GUCA1C: variants seen among roughly 807,000 people sequenced by gnomAD.
The protein encoded by GUCA1C is guanylate cyclase activator 1C, also known as guanylyl cyclase-activating protein 3.
Under a neutral mutation model 16.2 loss-of-function variants are expected in GUCA1C, and 15 were observed. The observed-to-expected ratio is 0.93, with a 90% CI of 0.62 to 1.43. The LOEUF (loss-of-function observed/expected upper bound fraction) is 1.43, where lower values mean the gene tolerates loss of function less well. Ranked by LOEUF, GUCA1C falls within the 40% of genes most tolerant of loss-of-function variation. GUCA1C has a pLI of 0.00. For synonymous variants in GUCA1C, 78 were observed against 85.4 expected (o/e 0.91, Z 0.48); for missense variants, 275 against 244.8 (o/e 1.12, Z -0.82).
At chr3:108,954,406 T>C (rs1312568315), upstream of GUCA1C, among the ~76,000 whole-genome samples, 1 of 152,160 alleles carries the variant, frequency 6.6e-6, no homozygotes, top group African/African-American at 2.4e-5. Context: ...TAAAGGAACA[T>C]ATTGGGCTGT....
At position 108,908,259 on chromosome 3, in the gene GUCA1C, G is replaced by A. The variant is rs773911418; in HGVS notation, c.443-50C>T. The A allele has an allele frequency of 1.6e-5, 19 of 1,155,358 alleles. No homozygotes were observed. The African/African-American group carries it at 2.8e-4, about 17-fold the overall frequency. The allele number at this position is 1,155,358 out of a possible 1,614,324, so 71.6% of individuals were successfully genotyped here. On this transcript the variant is annotated intron_variant, in intron 3 of 3. Transcript: ENST00000261047. ...AGAGGCTTTGTCTATACCACTCACTGGCACAAATGATATACTCACTGGTAT... is the reference window on the plus strand; with the variant it reads ...AGAGGCTTTGTCTATACCACTCACTAGCACAAATGATATACTCACTGGTAT...
intron 1 of GUCA1C, among the ~76,000 whole-genome samples, chr3:108,923,232 A>G (rs1194135065): frequency 1.3e-5 from 2 of 152,126 alleles, no homozygotes; most frequent in East Asian, 3.9e-4. Context: ...TTGATCATGA[A>G]GTCTTTGCCT....
At chr3:108,925,803 C>G (rs908888207) in intron 1 of GUCA1C, among the ~76,000 whole-genome samples, 2 of 152,094 alleles carry the variant, frequency 1.3e-5, no homozygotes, top group African/African-American at 4.8e-5. Flanking sequence ...TTGGGAGCTC[C>G]AGGCTGGGCA....
At chr3:108,940,460 G>C (rs1360577807) in intron 1 of GUCA1C, among the ~76,000 whole-genome samples, 2 of 152,208 alleles carry the variant, frequency 1.3e-5, no homozygotes, top group African/African-American at 4.8e-5. Flanking sequence ...TTCAAGTAGA[G>C]CTGGGGCTCC....
At chr3:108,931,405 GTT>G (rs932319356) in intron 1 of GUCA1C, among the ~76,000 whole-genome samples, 4 of 152,222 alleles carry the variant, frequency 2.6e-5, no homozygotes, top group African/African-American at 9.6e-5. Context: ...TCACTGTATG[GTT>G]TTTAAATGAA....
intron 1 of GUCA1C, among the ~76,000 whole-genome samples, chr3:108,935,842 T>C (rs1026630289): frequency 4.6e-5 from 7 of 152,200 alleles, no homozygotes; most frequent in African/African-American, 1.7e-4. Flanking sequence ...CGAGAGCTTG[T>C]AGTGCTTCTG....
At position 108,948,521 on chromosome 3, in the gene GUCA1C, C is replaced by T. The variant is rs150965848; in HGVS notation, c.204+5038G>A. ...TAATAAACCCTCATTTTTGATGGAG[C>T]ACCTACTCCAGAGCTTCCTAAAAAA... On this transcript the variant is annotated intron_variant, in intron 1 of 3. Transcript: ENST00000261047. 3.2e-3 allele frequency among the ~76,000 whole-genome samples: 488 copies of T among 152,208 alleles called. 3 individuals carry two copies. Among genetic ancestry groups the T allele is most frequent in the Admixed American group, 5.6e-3 (85 of 15,278 alleles).
chr3:108,943,301 G>C (rs773695071), intron 1 of GUCA1C, among the ~76,000 whole-genome samples: 3 of 152,124 alleles, frequency 2.0e-5, no homozygotes, highest in Non-Finnish European at 4.4e-5. Context: ...ACCACGTTTG[G>C]CAATTGTAAG....
chr3:108,930,047 T>C (rs1467721810), intron 1 of GUCA1C, among the ~76,000 whole-genome samples: 1 of 152,238 alleles, frequency 6.6e-6, no homozygotes, highest in Non-Finnish European at 1.5e-5. Flanking sequence ...ACAATCTGTG[T>C]CACTCTTTAG....
chr3:108,954,732 CTCCT>C (rs1946931816), upstream of GUCA1C, among the ~76,000 whole-genome samples: 1 of 144,428 alleles, frequency 6.9e-6, no homozygotes, highest in Non-Finnish European at 1.5e-5. Context: ...AATTATAGTT[CTCCT>C]TTTTTTTTTT....
At chr3:108,938,514 T>C (rs1946752681) in intron 1 of GUCA1C, among the ~76,000 whole-genome samples, 1 of 152,240 alleles carries the variant, frequency 6.6e-6, no homozygotes, top group South Asian at 2.1e-4. Flanking sequence ...AAATAGGCAA[T>C]ATAAGGTCCT....
At chr3:108,921,386 A>G (rs1946567803) in intron 1 of GUCA1C, among the ~76,000 whole-genome samples, 1 of 152,204 alleles carries the variant, frequency 6.6e-6, no homozygotes, top group Non-Finnish European at 1.5e-5. Context: ...TTTGGCAATT[A>G]TAAATAAAGT....
intron 1 of GUCA1C, among the ~76,000 whole-genome samples, chr3:108,944,095 T>A (rs894273195): frequency 3.3e-5 from 5 of 152,078 alleles, no homozygotes; most frequent in African/African-American, 1.2e-4. Context: ...ATTTTAAACT[T>A]CTTCTTGAGA....
chr3:108,920,313 G>A (rs889976947), intron 2 of GUCA1C, 123 bp downstream of exon 2: 2 of 716,488 alleles, frequency 2.8e-6, no homozygotes, highest in Admixed American at 2.6e-5. Context: ...TATTACTTCA[G>A]CAATTCAAAA....
intron 1 of GUCA1C, among the ~76,000 whole-genome samples, chr3:108,940,542 T>C (rs935607024): frequency 2.6e-5 from 4 of 152,254 alleles, no homozygotes; most frequent in African/African-American, 9.6e-5. Flanking sequence ...ATGAATTTCA[T>C]GCCATGATTG....
At chr3:108,923,227 C>A (rs1946585962) in intron 1 of GUCA1C, among the ~76,000 whole-genome samples, 1 of 152,120 alleles carries the variant, frequency 6.6e-6, no homozygotes, top group Non-Finnish European at 1.5e-5. Flanking sequence ...GATTCTTGAT[C>A]ATGAAGTCTT....
At chr3:108,948,369 G>T (rs925036950) in intron 1 of GUCA1C, among the ~76,000 whole-genome samples, 8 of 152,070 alleles carry the variant, frequency 5.3e-5, no homozygotes, top group Non-Finnish European at 7.4e-5. Context: ...TATCATGATT[G>T]TAAGTTTCCT....
chr3:108,908,718 T>C (rs1242840384), intron 3 of GUCA1C, among the ~76,000 whole-genome samples: 3 of 152,260 alleles, frequency 2.0e-5, no homozygotes, highest in African/African-American at 7.2e-5. Flanking sequence ...ACTCCTTTTC[T>C]GGTTTTTGAG....
At chr3:108,947,606 C>T (rs1372583313) in intron 1 of GUCA1C, among the ~76,000 whole-genome samples, 8 of 151,884 alleles carry the variant, frequency 5.3e-5, no homozygotes, top group Non-Finnish European at 4.4e-5. Flanking sequence ...TTAAAAATGT[C>T]CTTATTGGTA....
Sources: gnomAD v4.1 joint callset for allele counts (sites outside exome capture counted in the v4.1 genomes callset) on GRCh38, gnomAD v4.1.1 for gene constraint, MANE v1.5 for transcripts, NCBI Gene and HGNC (gene_info 2026-07-23, HGNC 2026-07-21) for gene names.